WWOX: variants seen among roughly 807,000 people sequenced by gnomAD.
WWOX encodes the protein WW domain containing oxidoreductase.
A neutral mutation model predicts 46.2 loss-of-function variants in WWOX; 69 were observed. That is an observed-to-expected ratio of 1.49 (90% CI 1.23 to 1.82). The LOEUF is 1.82. WWOX is among the 40% of genes most tolerant of loss of function. The pLI is 0.00. For synonymous variants in WWOX, 359 were observed against 202.6 expected, an observed-to-expected ratio of 1.77 and a Z score of -6.56; for missense variants, 919 against 542.6, an observed-to-expected ratio of 1.69 and a Z score of -6.89.
At position 79,011,322 on chromosome 16, in the gene WWOX, A is replaced by T. The variant is rs1317229986; in HGVS notation, c.1057-200286A>T. 2.6e-5 allele frequency among the ~76,000 whole-genome samples: 4 copies of T among 151,714 alleles called. No individual in the cohort carries two copies. The East Asian group carries it at 7.7e-4, about 29-fold the overall frequency. On this transcript the variant is annotated intron_variant, in intron 8 of 8. Coordinates refer to ENST00000566780, the MANE Select transcript of WWOX (RefSeq NM_016373.4). ...TTAACACTATTACGTAGTATTATCT[A>T]ATATGCCCTCTACATTCAAATTTTC...
intron 8 of WWOX, among the ~76,000 whole-genome samples, chr16:78,497,085 A>G (rs1399374731): frequency 1.3e-5 from 2 of 152,246 alleles, no homozygotes; most frequent in Non-Finnish European, 2.9e-5. Flanking sequence ...CAAGCCGTCT[A>G]TTGTATGCCT....
chr16:78,528,424 G>A (rs2043535632), intron 8 of WWOX, among the ~76,000 whole-genome samples: 1 of 151,764 alleles, frequency 6.6e-6, no homozygotes, highest in Non-Finnish European at 1.5e-5. Flanking sequence ...TCCAGAAAGT[G>A]GCTCGTATTC....
At chr16:78,704,905 T>C (rs954295513) in intron 8 of WWOX, among the ~76,000 whole-genome samples, 4 of 143,566 alleles carry the variant, frequency 2.8e-5, no homozygotes, top group African/African-American at 8.0e-5. Flanking sequence ...TGCTTCTTCC[T>C]CTAAAATACA....
intron 8 of WWOX, chr16:78,825,855 C>T (rs987960895): frequency 1.4e-5 from 9 of 640,326 alleles, no homozygotes; most frequent in Non-Finnish European, 2.3e-5. Flanking sequence ...CCCTGGGACC[C>T]CGCTGGTAAG....
At chr16:78,524,845 CG>C (rs2043425503) in intron 8 of WWOX, among the ~76,000 whole-genome samples, 1 of 104,470 alleles carries the variant, frequency 9.6e-6, no homozygotes. Context: ...TTAAAGAATG[CG>C]TTGATTTTGT....
intron 8 of WWOX, among the ~76,000 whole-genome samples, chr16:78,796,717 C>T (rs890813904): frequency 3.9e-5 from 6 of 152,200 alleles, no homozygotes; most frequent in African/African-American, 1.4e-4. Context: ...CCTGCCTGGG[C>T]TAGGAGCCAG....
chr16:78,801,011 A>G (rs373661996), intron 8 of WWOX, among the ~76,000 whole-genome samples: 2 of 151,844 alleles, frequency 1.3e-5, no homozygotes, highest in South Asian at 2.1e-4. Context: ...TATTTATTTC[A>G]TGCTCCACTT....
At chr16:79,107,490 G>A (rs1434414756) in intron 8 of WWOX, among the ~76,000 whole-genome samples, 2 of 152,192 alleles carry the variant, frequency 1.3e-5, no homozygotes, top group African/African-American at 4.8e-5. Flanking sequence ...CTCAGGGTCT[G>A]TTGGGCATAC....
chr16:78,599,533 T>C (rs988446334), intron 8 of WWOX, among the ~76,000 whole-genome samples: 1 of 152,182 alleles, frequency 6.6e-6, no homozygotes, highest in Non-Finnish European at 1.5e-5. Flanking sequence ...TGTGTAGACA[T>C]GGCCTCAGGA....
chr16:79,178,996 C>T (rs1424761279), intron 8 of WWOX, among the ~76,000 whole-genome samples: 4 of 152,164 alleles, frequency 2.6e-5, no homozygotes, highest in African/African-American at 7.2e-5. Context: ...AAGGTAAATG[C>T]AGCAGTGAGA....
intron 8 of WWOX, among the ~76,000 whole-genome samples, chr16:78,930,727 A>G (rs1235538856): frequency 6.6e-6 from 1 of 152,116 alleles, no homozygotes; most frequent in Non-Finnish European, 1.5e-5. Flanking sequence ...TGAGTGAGTA[A>G]AGTTGAGCAG....
rs913815619 is a variant in WWOX at position 78,513,231 on chromosome 16, A to T, written c.1056+80479A>T. Among the ~76,000 whole-genome samples, 5 of 152,358 alleles carry T rather than the reference A, an allele frequency of 3.3e-5. No individual in the cohort carries two copies. The East Asian group carries it at 9.6e-4, about 29-fold the overall frequency. On this transcript the variant is annotated intron_variant, in intron 8 of 8. Coordinates refer to ENST00000566780, the MANE Select transcript of WWOX (RefSeq NM_016373.4). ...TTGACAAATTAATAAAATAAATTAT[A>T]CTTCAAAGATGCTAAATTATCTCTT...
intron 8 of WWOX, among the ~76,000 whole-genome samples, chr16:78,664,120 C>T (rs960493312): frequency 6.6e-6 from 1 of 152,150 alleles, no homozygotes; most frequent in Non-Finnish European, 1.5e-5. Context: ...AAAGGATATG[C>T]TGGGAGGTGA....
chr16:78,706,950 G>A (rs1003058544), intron 8 of WWOX, among the ~76,000 whole-genome samples: 5 of 152,152 alleles, frequency 3.3e-5, no homozygotes, highest in Non-Finnish European at 2.9e-5. Context: ...GGCATCAGCC[G>A]TCATGCCTGG....
intron 8 of WWOX, among the ~76,000 whole-genome samples, chr16:79,174,687 T>G (rs1451456529): frequency 6.6e-6 from 1 of 152,160 alleles, no homozygotes; most frequent in African/African-American, 2.4e-5. Context: ...CCAGTGAATT[T>G]CTATGTCCGC....
chr16:78,328,044 T>C (rs1469279560), intron 5 of WWOX, among the ~76,000 whole-genome samples: 2 of 152,042 alleles, frequency 1.3e-5, no homozygotes, highest in African/African-American at 4.8e-5. Context: ...CCTGGCTAAT[T>C]TGTATTTTTA....
At chr16:78,557,217 A>G (rs1383734610) in intron 8 of WWOX, among the ~76,000 whole-genome samples, 1 of 147,878 alleles carries the variant, frequency 6.8e-6, no homozygotes, top group Non-Finnish European at 1.5e-5. Flanking sequence ...GGGAAAGACC[A>G]ATTATCATGA....
intron 8 of WWOX, among the ~76,000 whole-genome samples, chr16:78,809,682 G>A (rs560386537): frequency 6.6e-6 from 1 of 152,172 alleles, no homozygotes; most frequent in Non-Finnish European, 1.5e-5. Flanking sequence ...TCTAGAAAGA[G>A]GACTGGGAGT....
chr16:78,800,473 C>G (rs762184627), intron 8 of WWOX, among the ~76,000 whole-genome samples: 20 of 152,094 alleles, frequency 1.3e-4, no homozygotes, highest in Non-Finnish European at 2.4e-4. Context: ...AAGTGGTATC[C>G]ACACTTCTTC....
Sources: gnomAD v4.1 joint callset for allele counts (sites outside exome capture counted in the v4.1 genomes callset) on GRCh38, gnomAD v4.1.1 for gene constraint, MANE v1.5 for transcripts, NCBI Gene and HGNC (gene_info 2026-07-23, HGNC 2026-07-21) for gene names.